Variants in GABRB1 observed in about 807,000 individuals in gnomAD.
GABRB1 encodes the protein gamma-aminobutyric acid receptor subunit beta-1.
Under a neutral mutation model 51.6 loss-of-function variants are expected in GABRB1, and 17 were observed. That is an observed-to-expected ratio of 0.33 (90% confidence interval 0.23 to 0.49). The LOEUF is 0.49. GABRB1 is among the 20% of genes least tolerant of loss of function. GABRB1 has a pLI of 0.99. For missense variants in GABRB1, 410 were observed against 600.6 expected (o/e 0.68, Z 3.32); for synonymous variants, 247 against 218.9 (o/e 1.13, Z -1.14).
At chr4:47,319,432 G>T (rs1392597862) in intron 4 of GABRB1, among the ~76,000 whole-genome samples, 1 of 152,022 alleles carries the variant, frequency 6.6e-6, no homozygotes, top group Non-Finnish European at 1.5e-5. Flanking sequence ...TGTATTTATT[G>T]AGATGATAGT....
chr4:47,197,206 T>A (rs1719717866), intron 4 of GABRB1, among the ~76,000 whole-genome samples: 5 of 152,244 alleles, frequency 3.3e-5, no homozygotes, highest in Admixed American at 3.3e-4. Context: ...TTGTGTCCTA[T>A]CTTCTACATA....
At chr4:47,395,239 A>G (rs571927277) in intron 5 of GABRB1, among the ~76,000 whole-genome samples, 10 of 152,314 alleles carry the variant, frequency 6.6e-5, no homozygotes, top group Admixed American at 5.2e-4. Context: ...TCACAGTTCC[A>G]CAGGCTATAC....
chr4:47,095,343 G>A (rs544255147), intron 3 of GABRB1, among the ~76,000 whole-genome samples: 4 of 151,902 alleles, frequency 2.6e-5, no homozygotes, highest in Non-Finnish European at 5.9e-5. Flanking sequence ...GTAGTCTGTG[G>A]GTGCAGCAAT....
At position 47,184,235 on chromosome 4, in the gene GABRB1, T is replaced by C. The variant is rs549393497; in HGVS notation, c.461+22766T>C. On this transcript the variant is annotated intron_variant, in intron 4 of 8. Transcript: ENST00000295454. ...GTCTGCCAAAACAGCCAACGTTTTA[T>C]TCATTAGTTATCTCATAACCGTAAC... 8.5e-5 allele frequency among the ~76,000 whole-genome samples: 13 copies of C among 152,092 alleles called. No homozygotes were observed. In the South Asian group the frequency reaches 2.7e-3, roughly 31 times the overall value.
intron 5 of GABRB1, among the ~76,000 whole-genome samples, chr4:47,361,869 T>G (rs1726819338): frequency 6.6e-6 from 1 of 152,110 alleles, no homozygotes; most frequent in East Asian, 1.9e-4. Flanking sequence ...CAACTGGGGT[T>G]GTCAAGTGGG....
chr4:47,114,889 G>C (rs1715398097), intron 3 of GABRB1, among the ~76,000 whole-genome samples: 1 of 152,134 alleles, frequency 6.6e-6, no homozygotes, highest in Non-Finnish European at 1.5e-5. Context: ...CGCTAAGCTG[G>C]TCCACTTAAA....
chr4:47,245,033 T>A (rs540042500), intron 4 of GABRB1, among the ~76,000 whole-genome samples: 1 of 152,218 alleles, frequency 6.6e-6, no homozygotes, highest in Admixed American at 6.5e-5. Context: ...AAAAAAACCA[T>A]TCAAAAAATC....
chr4:47,102,039 C>A (rs974711429), intron 3 of GABRB1, among the ~76,000 whole-genome samples: 6 of 151,936 alleles, frequency 3.9e-5, no homozygotes, highest in African/African-American at 1.2e-4. Flanking sequence ...TAGAAGAGAA[C>A]CTGGTTTTGA....
At chr4:47,322,810 A>G (rs1725130834) in intron 5 of GABRB1, among the ~76,000 whole-genome samples, 2 of 152,078 alleles carry the variant, frequency 1.3e-5, no homozygotes, top group African/African-American at 4.8e-5. Flanking sequence ...ATCTCTACTA[A>G]AAATACAAAA....
intron 3 of GABRB1, among the ~76,000 whole-genome samples, chr4:47,069,412 T>G (rs1289055377): frequency 2.0e-5 from 3 of 152,214 alleles, no homozygotes; most frequent in Admixed American, 2.0e-4. Flanking sequence ...AATCCAAATA[T>G]TTTGCCAGAG....
intron 3 of GABRB1, among the ~76,000 whole-genome samples, chr4:47,053,050 G>A (rs1452474035): frequency 6.6e-6 from 1 of 152,150 alleles, no homozygotes; most frequent in Non-Finnish European, 1.5e-5. Context: ...ACGCTGTTGG[G>A]AACAACTCCT....
chr4:47,361,838 C>T lies in GABRB1; in HGVS notation c.545-41480C>T, dbSNP rs529442134. 2.0e-5 allele frequency among the ~76,000 whole-genome samples: 3 copies of T among 152,206 alleles called. No homozygotes were observed. In the South Asian group the frequency reaches 6.2e-4, roughly 32 times the overall value. On this transcript the variant is annotated intron_variant, in intron 5 of 8. Transcript: ENST00000295454. ...AAAAAGTCATGCTGAAGATATTGAA[C>T]TTGAGGTGGCTTTAAGTCATCAACT...
At chr4:47,383,666 A>C (rs1727672212) in intron 5 of GABRB1, among the ~76,000 whole-genome samples, 5 of 152,192 alleles carry the variant, frequency 3.3e-5, no homozygotes, top group Non-Finnish European at 7.4e-5. Flanking sequence ...TTTGTTCATT[A>C]ATATGCATAG....
At chr4:47,072,933 T>C (rs886618852) in intron 3 of GABRB1, among the ~76,000 whole-genome samples, 1 of 152,198 alleles carries the variant, frequency 6.6e-6, no homozygotes, top group Non-Finnish European at 1.5e-5. Flanking sequence ...CATTATTTAG[T>C]ATTTACTTAA....
At chr4:47,285,276 G>A (rs971959972) in intron 4 of GABRB1, among the ~76,000 whole-genome samples, 1 of 152,180 alleles carries the variant, frequency 6.6e-6, no homozygotes, top group African/African-American at 2.4e-5. Flanking sequence ...TAGGAAACAA[G>A]CTTGTTTTCC....
At chr4:47,177,950 G>A (rs1194507237) in intron 4 of GABRB1, among the ~76,000 whole-genome samples, 1 of 151,714 alleles carries the variant, frequency 6.6e-6, no homozygotes, top group Admixed American at 6.6e-5. Context: ...AGGGATTTGG[G>A]TTCCGAGTGT....
chr4:47,320,068 T>C, intron 4 of GABRB1, 59 bp from the exon 5 acceptor site: 1 of 1,183,928 alleles, frequency 8.4e-7, no homozygotes, highest in Non-Finnish European at 1.3e-6. Flanking sequence ...CTAGGAAGCC[T>C]GGAAATGAAA....
intron 8 of GABRB1, among the ~76,000 whole-genome samples, chr4:47,425,377 C>CA (rs1729233262): frequency 1.4e-5 from 2 of 138,394 alleles, no homozygotes; most frequent in South Asian, 2.5e-4. Flanking sequence ...AGAAGAAATA[C>CA]CACACACACA....
intron 5 of GABRB1, among the ~76,000 whole-genome samples, chr4:47,337,809 A>G (rs1023525085): frequency 3.4e-5 from 1 of 29,410 alleles, no homozygotes; most frequent in Non-Finnish European, 5.1e-5. Flanking sequence ...GACTCTGTCT[A>G]AAAAAAAAAA....
Sources: allele counts gnomAD v4.1 joint callset (sites outside exome capture counted in the v4.1 genomes callset), GRCh38; gene constraint gnomAD v4.1.1; transcripts MANE v1.5; gene names NCBI Gene and HGNC (gene_info 2026-07-23, HGNC 2026-07-21).